The following FHIT variants were observed in gnomAD, a reference collection of about 807,000 sequenced individuals.
The protein encoded by FHIT is bis(5'-adenosyl)-triphosphatase.
FHIT carries 19 observed loss-of-function variants against 17.9 expected under a neutral mutation model. The observed-to-expected ratio is 1.06, with a 90% CI of 0.74 to 1.56. The LOEUF is 1.56. Among genes scored for constraint, FHIT ranks in the 40% most tolerant of loss-of-function variants. FHIT has a pLI of 0.00. For missense variants in FHIT, 248 were observed against 189.2 expected, an observed-to-expected ratio of 1.31 and a Z score of -1.82; for synonymous variants, 81 against 69.7, an observed-to-expected ratio of 1.16 and a Z score of -0.81.
At chr3:60,187,813 T>G (rs1413958234) in intron 5 of FHIT, among the ~76,000 whole-genome samples, 1 of 152,210 alleles carries the variant, frequency 6.6e-6, no homozygotes, top group East Asian at 1.9e-4. Context: ...CTCTCTCTTC[T>G]AAGTATGATA....
At chr3:60,614,810 TTTTTTTTTTG>T (rs1324157336) in intron 4 of FHIT, among the ~76,000 whole-genome samples, 1,066 of 20,288 alleles carry the variant, frequency 0.053, 116 homozygotes, top group Non-Finnish European at 0.11. Context: ...GCAAAAGTTG[TTTTTTTTTTG>T]TTTTTTTTTT....
chr3:60,073,479 G>C (rs1258614154), intron 5 of FHIT, among the ~76,000 whole-genome samples: 1 of 152,150 alleles, frequency 6.6e-6, no homozygotes, highest in Non-Finnish European at 1.5e-5. Flanking sequence ...GGCTCTCATA[G>C]TACATGCTTA....
chr3:59,869,505 A>G (rs525709), intron 8 of FHIT, among the ~76,000 whole-genome samples: 66,445 of 130,090 alleles, frequency 0.51, 18,312 homozygotes, highest in African/African-American at 0.72. Context: ...TTTTTTAGAC[A>G]GAGTCTCGCT....
chr3:60,370,352 G>A (rs560107097), intron 5 of FHIT, among the ~76,000 whole-genome samples: 7 of 152,116 alleles, frequency 4.6e-5, no homozygotes, highest in East Asian at 3.9e-4. Flanking sequence ...TTAACTGTTC[G>A]GAGTGTTTTT....
At chr3:60,947,783 A>C (rs1708702599) in intron 3 of FHIT, among the ~76,000 whole-genome samples, 1 of 152,164 alleles carries the variant, frequency 6.6e-6, no homozygotes, top group Non-Finnish European at 1.5e-5. Context: ...CCCAAGGACT[A>C]TTTACTCAAC....
At chr3:60,400,059 G>A (rs1449462016) in intron 5 of FHIT, among the ~76,000 whole-genome samples, 10 of 152,316 alleles carry the variant, frequency 6.6e-5, no homozygotes, top group African/African-American at 1.4e-4. Context: ...GGTGCTCTAT[G>A]GGGATGGCAG....
intron 4 of FHIT, among the ~76,000 whole-genome samples, chr3:60,686,637 A>G (rs1371444295): frequency 6.6e-6 from 1 of 152,072 alleles, no homozygotes; most frequent in Non-Finnish European, 1.5e-5. Context: ...CTGTGTATGT[A>G]TATTCCAAAG....
chr3:61,043,375 G>A (rs1400168151), intron 2 of FHIT, among the ~76,000 whole-genome samples: 2 of 152,174 alleles, frequency 1.3e-5, no homozygotes, highest in African/African-American at 2.4e-5. Context: ...CTTGCTCTCT[G>A]TTAGCACAGC....
chr3:60,527,869 A>G (rs1044092830), intron 5 of FHIT, among the ~76,000 whole-genome samples: 8 of 152,212 alleles, frequency 5.3e-5, no homozygotes, highest in Non-Finnish European at 1.0e-4. Context: ...TGAACAATGG[A>G]ATGAGAATCA....
At position 60,371,106 on chromosome 3, in the gene FHIT, T is replaced by C. The variant is rs184307140; in HGVS notation, c.103+165754A>G. 5.3e-5 allele frequency among the ~76,000 whole-genome samples: 8 copies of C among 152,326 alleles called. No homozygotes were observed. In the East Asian group the frequency reaches 7.7e-4, roughly 15 times the overall value. ...CATGAACACCTGAGACAGAAGACTC[T>C]GGTTTTTCTGACCGCTGTGTTGTTC... On this transcript the variant is annotated intron_variant, in intron 5 of 9. Transcript: ENST00000492590.
At chr3:59,834,882 T>C (rs1701286723) in intron 8 of FHIT, among the ~76,000 whole-genome samples, 1 of 152,214 alleles carries the variant, frequency 6.6e-6, no homozygotes, top group Non-Finnish European at 1.5e-5. Flanking sequence ...CTATATAAAA[T>C]TTAATCAAAT....
intron 8 of FHIT, among the ~76,000 whole-genome samples, chr3:59,884,225 A>G (rs1021410773): frequency 2.0e-5 from 3 of 152,252 alleles, no homozygotes; most frequent in Admixed American, 2.0e-4. Flanking sequence ...AATTGGCTAT[A>G]TAGAATCTAT....
At chr3:60,939,497 T>G (rs1708322806) in intron 3 of FHIT, among the ~76,000 whole-genome samples, 1 of 152,142 alleles carries the variant, frequency 6.6e-6, no homozygotes, top group African/African-American at 2.4e-5. Context: ...CATTCAACAA[T>G]AGGACACAGA....
At chr3:61,093,576 G>T in intron 2 of FHIT, among the ~76,000 whole-genome samples, 1 of 152,200 alleles carries the variant, frequency 6.6e-6, no homozygotes, top group East Asian at 1.9e-4. Context: ...AGATTTGGAA[G>T]GAAAGGTACA....
chr3:60,509,178 TTGGCGATTCCAAATGATAC>T (rs1327413223), intron 5 of FHIT, among the ~76,000 whole-genome samples: 1 of 152,188 alleles, frequency 6.6e-6, no homozygotes, highest in Non-Finnish European at 1.5e-5. Flanking sequence ...AATGTGACTC[TTGGCGATTCCAAATGATAC>T]CAGGACATGT....
chr3:60,367,567 A>T (rs769731207), intron 5 of FHIT, among the ~76,000 whole-genome samples: 3 of 152,224 alleles, frequency 2.0e-5, no homozygotes, highest in Non-Finnish European at 4.4e-5. Context: ...TATTTGAAAC[A>T]CTTGATGCCT....
At chr3:59,845,164 A>G (rs75858821) in intron 8 of FHIT, among the ~76,000 whole-genome samples, 2,430 of 152,088 alleles carry the variant, frequency 0.016, 28 homozygotes, top group South Asian at 0.022. Context: ...TATTAATTTT[A>G]GACTTCTGGT....
intron 5 of FHIT, among the ~76,000 whole-genome samples, chr3:60,435,162 T>C (rs2030099173): frequency 6.6e-6 from 1 of 152,182 alleles, no homozygotes; most frequent in African/African-American, 2.4e-5. Flanking sequence ...AAATGTAGGC[T>C]ATCCAGTTCA....
intron 1 of FHIT, among the ~76,000 whole-genome samples, chr3:61,210,972 T>G (rs530108744): frequency 4.1e-4 from 62 of 152,080 alleles, no homozygotes; most frequent in African/African-American, 1.4e-3. Context: ...TATTGACATA[T>G]AACAAATTAT....
Sources: gnomAD v4.1 joint callset for allele counts (sites outside exome capture counted in the v4.1 genomes callset) on GRCh38, gnomAD v4.1.1 for gene constraint, MANE v1.5 for transcripts, NCBI Gene and HGNC (gene_info 2026-07-23, HGNC 2026-07-21) for gene names.